DNAJC18: variants seen among roughly 807,000 people sequenced by gnomAD.
DNAJC18 encodes dnaJ homolog subfamily C member 18.
In DNAJC18, 40 loss-of-function variants were observed where a neutral mutation model predicts 48.6. The observed-to-expected ratio is 0.82, with a 90% CI of 0.64 to 1.07. The LOEUF is 1.07. DNAJC18 is among the 50% of genes least tolerant of loss of function. The pLI is 0.00. For synonymous variants in DNAJC18, 135 were observed against 152.2 expected, an observed-to-expected ratio of 0.89 and a Z score of 0.83; for missense variants, 340 against 427.7, an observed-to-expected ratio of 0.79 and a Z score of 1.81.
At chr5:139,427,003 G>A (rs1444656862) in intron 3 of DNAJC18, among the ~76,000 whole-genome samples, 1 of 152,166 alleles carries the variant, frequency 6.6e-6, no homozygotes, top group African/African-American at 2.4e-5. Flanking sequence ...ATAGGTGTGA[G>A]CCCTGCATCT....
chr5:139,423,122 G>A (rs1759181603), intron 5 of DNAJC18, among the ~76,000 whole-genome samples: 1 of 152,134 alleles, frequency 6.6e-6, no homozygotes, highest in East Asian at 1.9e-4. Flanking sequence ...GTGAGCCACT[G>A]CGCCTGGCCT....
At chr5:139,420,352 T>C (rs1043772237) in intron 6 of DNAJC18, 127 bp from the exon 7 acceptor site, 1 of 901,370 alleles carries the variant, frequency 1.1e-6, no homozygotes, top group Non-Finnish European at 1.6e-6. Flanking sequence ...TTTTCTAATA[T>C]ACCCAACACT....
At chr5:139,426,613 C>T (rs915609036) in intron 3 of DNAJC18, among the ~76,000 whole-genome samples, 1 of 152,138 alleles carries the variant, frequency 6.6e-6, no homozygotes, top group African/African-American at 2.4e-5. Flanking sequence ...ATCAACAGTC[C>T]TGTAGTCATC....
At position 139,414,208 on chromosome 5, in the gene DNAJC18, C is replaced by T. The variant is rs201783854; in HGVS notation, c.1017G>A (p.Ser339=). ...RDERLKQKAE[S]LKLENCEKLS... is the part of the protein sequence containing the mutation. The stretch of plus-strand genomic sequence containing the variant: ...GTTTCTCACAGTTTTCAAGTTTCAG[C>T]GACTCTGCTTTCTGTTTCAATCGTT... The change falls in exon 8 of 8, where the codon TCG becomes TCA. Residue 339 remains serine, a synonymous_variant. Coordinates refer to ENST00000302060, the MANE Select transcript of DNAJC18 (RefSeq NM_152686.4). 1.5e-5 allele frequency: 25 copies of T among 1,614,160 alleles called. No individual in the cohort carries two copies. In the East Asian group the frequency reaches 2.7e-4, roughly 17 times the overall value.
At chr5:139,431,588 C>T (rs1311107125) in intron 2 of DNAJC18, among the ~76,000 whole-genome samples, 1 of 152,178 alleles carries the variant, frequency 6.6e-6, no homozygotes, top group Non-Finnish European at 1.5e-5. Context: ...CACCATGTTG[C>T]TTGTCCATTA....
At chr5:139,423,160 T>C (rs1759181872) in intron 5 of DNAJC18, among the ~76,000 whole-genome samples, 1 of 152,142 alleles carries the variant, frequency 6.6e-6, no homozygotes, top group Non-Finnish European at 1.5e-5. Flanking sequence ...ATATAAAGCT[T>C]ATTGAAAATA....
Position 139,413,969 on chromosome 5 carries a change from A to C in DNAJC18, c.*179T>G. ...TGGTCCCTGGAGCCACTCCCCAGGA[A>C]GGATCCTGTGAAGACACATCTGGCT... On this transcript the variant is annotated 3_prime_UTR_variant, in exon 8 of 8. Transcript: ENST00000302060. The C allele has an allele frequency of 2.4e-6, 2 of 832,612 alleles. No homozygotes were observed. The highest frequency in any genetic ancestry group is 3.6e-6 in the Non-Finnish European group (2 of 554,832). The allele number at this position is 832,612 out of a possible 1,614,324, so 51.6% of individuals were successfully genotyped here.
rs1176649601 is a variant in DNAJC18 at position 139,437,917 on chromosome 5, G to A, written c.41-359C>T. On this transcript the variant is annotated intron_variant, in intron 1 of 7. Transcript: ENST00000302060. ...GGGCGGATGGGTAAGATCTACTCCT[G>A]ACCACAAAGAGGTTAGTTTAATGCA... Among the ~76,000 whole-genome samples the A allele has an allele frequency of 3.3e-5, 5 of 152,298 alleles. 1 individual carries two copies. In the East Asian group the frequency reaches 9.6e-4, roughly 29 times the overall value.
intron 7 of DNAJC18, 116 bp downstream of exon 7, chr5:139,419,937 C>A: frequency 1.9e-6 from 2 of 1,063,172 alleles, no homozygotes; most frequent in Non-Finnish European, 2.6e-6. Flanking sequence ...TCCTCTGACT[C>A]TGTTCACATA....
Position 139,413,058 on chromosome 5 carries a change from A to G in DNAJC18, c.*1090T>C. 1 of 397,210 alleles carries G rather than the reference A, an allele frequency of 2.5e-6. No homozygotes were observed. Among genetic ancestry groups the G allele is most frequent in the Middle Eastern group, 6.3e-4 (1 of 1,584 alleles). 24.6% of individuals were successfully genotyped at this position (397,210 alleles called of 1,614,324 possible). A position where few individuals can be genotyped will look rare whatever the true frequency, so the allele number is the denominator to read the frequency against. On this transcript the variant is annotated 3_prime_UTR_variant, in exon 8 of 8. Coordinates refer to ENST00000302060, the MANE Select transcript of DNAJC18 (RefSeq NM_152686.4). ...TCATTCATAGAACCAGGGATAATAC[A>G]TCTACTTCAGAGTTGTGAGGAGGTT... is the stretch of plus-strand genomic sequence containing the variant.
At chr5:139,437,971 G>C (rs1750707891) in intron 1 of DNAJC18, among the ~76,000 whole-genome samples, 1 of 152,196 alleles carries the variant, frequency 6.6e-6, no homozygotes, top group Non-Finnish European at 1.5e-5. Flanking sequence ...CCCACAGGTG[G>C]CATGTGGCCC....
rs2152081901 is a variant in DNAJC18, at chr5:139,413,356, G to A, written c.*792C>T. On this transcript the variant is annotated 3_prime_UTR_variant, in exon 8 of 8. Coordinates refer to ENST00000302060, the MANE Select transcript of DNAJC18 (RefSeq NM_152686.4). ...TGTAGGAACTCAGCCTAAGTGCGATGACACCAATGATGATACTGAGGGGAA... is the reference window on the plus strand; with the variant it reads ...TGTAGGAACTCAGCCTAAGTGCGATAACACCAATGATGATACTGAGGGGAA... The A allele has an allele frequency of 6.5e-6, 1 of 153,824 alleles. No individual in the cohort carries two copies. The highest frequency in any genetic ancestry group is 2.4e-5 in the African/African-American group (1 of 41,628). The allele number at this position is 153,824 out of a possible 1,614,324, so 9.5% of individuals were successfully genotyped here.
rs1759131050 is a variant in DNAJC18, at chr5:139,420,203, T to C, written c.802A>G (p.Arg268Gly). ...GGCACCTGCAGGTTCTGAGTTTCTC[T>C]AGAAATGGTGTAGCCCAAGGTCCTG... ...YKSTLGYTISRETQNLQVPYF... is the reference protein window; with the variant it reads ...YKSTLGYTISGETQNLQVPYF... The change falls in exon 7 of 8, where the codon AGA becomes GGA. Residue 268 changes from arginine (R) to glycine (G), a missense_variant. Coordinates refer to ENST00000302060, the MANE Select transcript of DNAJC18 (RefSeq NM_152686.4). 6.2e-7 allele frequency: 1 copy of C among 1,610,608 alleles called. No homozygotes were observed. The highest frequency in any genetic ancestry group is 1.3e-5 in the African/African-American group (1 of 74,636).
intron 2 of DNAJC18, among the ~76,000 whole-genome samples, chr5:139,432,817 A>T (rs1759351397): frequency 6.6e-6 from 1 of 152,202 alleles, no homozygotes; most frequent in Non-Finnish European, 1.5e-5. Context: ...TAGCAACTTT[A>T]TATATAATGG....
intron 4 of DNAJC18, among the ~76,000 whole-genome samples, chr5:139,425,893 A>AT (rs1191623738): frequency 6.6e-6 from 1 of 152,204 alleles, no homozygotes; most frequent in African/African-American, 2.4e-5. Context: ...TTTATAAGGC[A>AT]CTTAAAAATA....
intron 4 of DNAJC18, 46 bp from the exon 5 acceptor site, chr5:139,425,160 C>T (rs1426799318): frequency 5.3e-6 from 8 of 1,523,226 alleles, no homozygotes; most frequent in Middle Eastern, 1.8e-4. Flanking sequence ...CACTCCTTCC[C>T]TGCCTTTTTC....
rs1478673762 is a variant in DNAJC18, at chr5:139,412,744, T to C, written c.*1404A>G. 1 of 398,660 alleles carries C rather than the reference T, an allele frequency of 2.5e-6. No individual in the cohort carries two copies. The highest frequency in any genetic ancestry group is 3.6e-5 in the East Asian group (1 of 28,080). The allele number at this position is 398,660 out of a possible 1,614,324, so 24.7% of individuals were successfully genotyped here. A position where few individuals can be genotyped will look rare whatever the true frequency, so the allele number is the denominator to read the frequency against. ...TCCTAGTCACCAGTGGAGGGCTGCC[T>C]GCCTGTGAGGGACCTCTTATTTTGT... is the stretch of plus-strand genomic sequence containing the variant. On this transcript the variant is annotated 3_prime_UTR_variant, in exon 8 of 8. Coordinates refer to ENST00000302060, the MANE Select transcript of DNAJC18 (RefSeq NM_152686.4).
At chr5:139,418,770 A>G (rs186942956) in intron 7 of DNAJC18, 8 of 456,324 alleles carry the variant, frequency 1.8e-5, no homozygotes, top group Non-Finnish European at 3.1e-5. Flanking sequence ...TCTACTCCTG[A>G]GAATCCTCTC....
chr5:139,426,752 G>A (rs1379199076), intron 3 of DNAJC18, among the ~76,000 whole-genome samples: 1 of 152,148 alleles, frequency 6.6e-6, no homozygotes, highest in African/African-American at 2.4e-5. Flanking sequence ...TTCTGGCCAG[G>A]TGCAGTGGCT....
Sources: gnomAD v4.1 joint callset for allele counts (sites outside exome capture counted in the v4.1 genomes callset) on GRCh38, gnomAD v4.1.1 for gene constraint, MANE v1.5 for transcripts, NCBI Gene and HGNC (gene_info 2026-07-23, HGNC 2026-07-21) for gene names.